SCML4: variants seen among roughly 807,000 people sequenced by gnomAD.
The protein encoded by SCML4 is sex comb on midleg-like protein 4.
SCML4 carries 34 observed loss-of-function variants against 41.1 expected under a neutral mutation model. The ratio of observed to expected loss-of-function variants is 0.83; its 90% CI spans 0.63 to 1.10. The LOEUF (loss-of-function observed/expected upper bound fraction) is 1.10. Among genes scored for constraint, SCML4 ranks in the 50% least tolerant of loss-of-function variants. The pLI is 0.00. For missense variants in SCML4, 522 were observed against 534.1 expected (o/e 0.98, Z 0.22); for synonymous variants, 214 against 220.9 (o/e 0.97, Z 0.28).
rs115998836 is a variant in SCML4 at position 107,703,719 on chromosome 6, G to A, written c.*1481C>T. On this transcript the variant is annotated 3_prime_UTR_variant, in exon 8 of 8. Coordinates refer to ENST00000369020, the MANE Select transcript of SCML4 (RefSeq NM_198081.5). ...CTCAGGTTGTATCCCAGAGAAAGGG[G>A]TGCCTTTTCTGATTCACCTTTGGGC... Among the ~76,000 whole-genome samples the A allele has an allele frequency of 4.2e-3, 635 of 152,292 alleles. 4 individuals carry two copies. Among genetic ancestry groups the A allele is most frequent in the African/African-American group, 0.014 (580 of 41,558 alleles).
At chr6:107,791,945 G>A (rs1782364619) in intron 1 of SCML4, among the ~76,000 whole-genome samples, 1 of 152,170 alleles carries the variant, frequency 6.6e-6, no homozygotes, top group Non-Finnish European at 1.5e-5. Context: ...CTGGGTGACA[G>A]AGTGAGACCC....
chr6:107,726,126 C>A (rs1315195974), intron 5 of SCML4, among the ~76,000 whole-genome samples: 5 of 148,630 alleles, frequency 3.4e-5, no homozygotes, highest in Non-Finnish European at 7.4e-5. Context: ...GGACAACTCA[C>A]AAATTGGGGG....
intron 5 of SCML4, among the ~76,000 whole-genome samples, chr6:107,723,448 T>G (rs187474354): frequency 4.1e-4 from 63 of 152,312 alleles, no homozygotes; most frequent in African/African-American, 1.5e-3. Flanking sequence ...AAGCATGGTT[T>G]TCAGTGAATG....
In SCML4 at chr6:107,753,278, T is replaced by TA. The variant is rs202235346; in HGVS notation, c.157-3466dup. On this transcript the variant is annotated intron_variant, in intron 2 of 7. Transcript: ENST00000369020. ...CTATGGAAAAGAGTATGGCAGTTTT[T>TA]AAAAAAAATTAGAAATAAAATTACC... is the stretch of plus-strand genomic sequence containing the variant. Among the ~76,000 whole-genome samples the TA allele has an allele frequency of 2.4e-3, 363 of 152,094 alleles. 4 individuals carry two copies. Among genetic ancestry groups the TA allele is most frequent in the African/African-American group, 8.2e-3 (340 of 41,494 alleles).
At chr6:107,792,978 A>T (rs1382470220) in intron 1 of SCML4, among the ~76,000 whole-genome samples, 1 of 152,206 alleles carries the variant, frequency 6.6e-6, no homozygotes, top group African/African-American at 2.4e-5. Flanking sequence ...GGGGGTAAGA[A>T]CTAAGACAAA....
At chr6:107,750,297 G>A (rs1778502637) in intron 2 of SCML4, among the ~76,000 whole-genome samples, 1 of 152,202 alleles carries the variant, frequency 6.6e-6, no homozygotes, top group Non-Finnish European at 1.5e-5. Context: ...CCTCCAAGAG[G>A]CTGACATACC....
rs59013088 is a variant in SCML4, at chr6:107,726,532, C to CAAAAA, written c.683-5544_683-5540dup. Among the ~76,000 whole-genome samples, 53 of 72,368 alleles carry CAAAAA rather than the reference C, an allele frequency of 7.3e-4. 1 individual carries two copies. Among genetic ancestry groups the CAAAAA allele is most frequent in the African/African-American group, 1.9e-3 (30 of 15,768 alleles). 47.5% of individuals were successfully genotyped at this position (72,368 alleles called of 152,430 possible). ...CGGGCAACAGACCGAGACTCCATCT[C>CAAAAA]AAAAAAAAAAAAAAAAAAAAAAAGA... is the stretch of plus-strand genomic sequence containing the variant. On this transcript the variant is annotated intron_variant, in intron 5 of 7. Transcript: ENST00000369020.
intron 1 of SCML4, among the ~76,000 whole-genome samples, chr6:107,793,471 C>T (rs138796769): frequency 3.0e-4 from 46 of 152,300 alleles, no homozygotes; most frequent in African/African-American, 1.1e-3. Flanking sequence ...CAGAACAGGA[C>T]CTGTTGGTTC....
rs146263311 is a variant in SCML4, at chr6:107,749,101, T to TAGG, written c.286+580_286+582dup. On this transcript the variant is annotated intron_variant, in intron 3 of 7. Transcript: ENST00000369020. ...TGGGAGAGGGGCTGGGGTTGTGACA[T>TAGG]AGGATTCTCTGTGTGTGTGCGCGTG... Among the ~76,000 whole-genome samples the TAGG allele has an allele frequency of 5.0e-3, 763 of 152,068 alleles. 11 individuals are homozygous for TAGG. In the East Asian group the frequency reaches 0.063, roughly 13 times the overall value.
At chr6:107,831,135 T>TG in the SCML4 span, among the ~76,000 whole-genome samples, 1 of 151,888 alleles carries the variant, frequency 6.6e-6, no homozygotes, top group Non-Finnish European at 1.5e-5. Flanking sequence ...ATGAAAGTGG[T>TG]GTAACGGGGA....
intron 2 of SCML4, among the ~76,000 whole-genome samples, chr6:107,771,117 C>A (rs1327565111): frequency 1.3e-5 from 2 of 152,170 alleles, no homozygotes; most frequent in African/African-American, 4.8e-5. Flanking sequence ...AATGACCCCA[C>A]AATAACTTTG....
At chr6:107,827,517 G>A (rs1054784506), upstream of SCML4, among the ~76,000 whole-genome samples, 2 of 151,964 alleles carry the variant, frequency 1.3e-5, no homozygotes, top group Non-Finnish European at 2.9e-5. Context: ...AAAAATTTAA[G>A]TTAAACATGT....
At chr6:107,713,497 T>C (rs1415383197) in intron 6 of SCML4, among the ~76,000 whole-genome samples, 1 of 152,226 alleles carries the variant, frequency 6.6e-6, no homozygotes, top group East Asian at 1.9e-4. Context: ...ACACACCGAG[T>C]GCAGCCACAG....
chr6:107,827,071 T>G (rs1431128841), upstream of SCML4, among the ~76,000 whole-genome samples: 2 of 142,380 alleles, frequency 1.4e-5, no homozygotes, highest in Non-Finnish European at 3.2e-5. Flanking sequence ...TCAAAAAATA[T>G]ATATATTTTT....
chr6:107,711,281 C>T (rs1774183625), intron 6 of SCML4, among the ~76,000 whole-genome samples: 2 of 152,198 alleles, frequency 1.3e-5, no homozygotes, highest in South Asian at 4.1e-4. Flanking sequence ...CCTCTCATGA[C>T]AGGGGTTATA....
intron 5 of SCML4, among the ~76,000 whole-genome samples, chr6:107,726,702 T>C (rs1436495268): frequency 6.6e-6 from 1 of 152,040 alleles, no homozygotes; most frequent in Admixed American, 6.6e-5. Context: ...AAAACCACAA[T>C]GAGTCACCAC....
At chr6:107,775,987 A>C (rs1780910987) in intron 1 of SCML4, among the ~76,000 whole-genome samples, 1 of 152,126 alleles carries the variant, frequency 6.6e-6, no homozygotes, top group Admixed American at 6.5e-5. Context: ...TATTTTAAAA[A>C]AATATTTTTA....
At chr6:107,821,334 A>T (rs10457173) in intron 1 of SCML4, among the ~76,000 whole-genome samples, 28,099 of 152,136 alleles carry the variant, frequency 0.18, 2,847 homozygotes, top group African/African-American at 0.26. Flanking sequence ...ACATTAAAAA[A>T]TGTGTAAATC....
chr6:107,779,134 C>G lies in SCML4; in HGVS notation c.-59-6748G>C, dbSNP rs955908882. On this transcript the variant is annotated intron_variant, in intron 1 of 7. Coordinates refer to ENST00000369020, the MANE Select transcript of SCML4 (RefSeq NM_198081.5). ...GGCGGAGCTTGCAGTGAGACAAGAT[C>G]GCGCCACTGCACTCCAGCCTGGGCA... Among the ~76,000 whole-genome samples the G allele has an allele frequency of 3.3e-5, 5 of 151,736 alleles. No individual in the cohort carries two copies. In the East Asian group the frequency reaches 9.7e-4, roughly 29 times the overall value.
Sources: gnomAD v4.1 joint callset for allele counts (sites outside exome capture counted in the v4.1 genomes callset) on GRCh38, gnomAD v4.1.1 for gene constraint, MANE v1.5 for transcripts, NCBI Gene and HGNC (gene_info 2026-07-23, HGNC 2026-07-21) for gene names.